FGF14: variants seen among roughly 807,000 people sequenced by gnomAD.
The protein encoded by FGF14 is fibroblast growth factor 14, also known as fibroblast growth factor homologous factor 4.
Under a neutral mutation model 25.5 loss-of-function variants are expected in FGF14, and 5 were observed. The observed-to-expected ratio is 0.20, with a 90% confidence interval of 0.10 to 0.41. The LOEUF (loss-of-function observed/expected upper bound fraction) is 0.41, where lower values mean the gene tolerates loss of function less well. Ranked by LOEUF, FGF14 falls within the 10% of genes least tolerant of loss-of-function variation. The probability of loss-of-function intolerance (pLI) is 1.00; values close to 1 mark genes in which losing one functional copy is unlikely to be tolerated. For missense variants in FGF14, 222 were observed against 320.1 expected (o/e 0.69, Z 2.34); for synonymous variants, 138 against 118.3 (o/e 1.17, Z -1.08).
intron 3 of FGF14, among the ~76,000 whole-genome samples, chr13:101,767,749 A>C (rs927260872): frequency 7.2e-5 from 11 of 152,156 alleles, no homozygotes; most frequent in African/African-American, 2.7e-4. Flanking sequence ...ACAATAGTAG[A>C]ATCATTATCT....
upstream of FGF14, chr13:102,402,077 G>GA (rs2058713038): frequency 6.9e-6 from 1 of 144,270 alleles, no homozygotes; most frequent in East Asian, 2.0e-4. Flanking sequence ...AAGAAAGAAA[G>GA]AAAAAAGAAA....
intron 1 of FGF14, chr13:102,393,870 A>G (rs1190085001): frequency 6.6e-6 from 1 of 152,178 alleles, no homozygotes; most frequent in African/African-American, 2.4e-5. Context: ...GCTAAGGTCA[A>G]CCTCTTATCT....
intron 3 of FGF14, among the ~76,000 whole-genome samples, chr13:101,782,174 C>T (rs1356123357): frequency 6.6e-6 from 1 of 152,152 alleles, no homozygotes; most frequent in African/African-American, 2.4e-5. Flanking sequence ...CCAACTGGCT[C>T]CTTGTCCTAA....
At chr13:102,333,455 T>C (rs1029498546) in intron 1 of FGF14, among the ~76,000 whole-genome samples, 5 of 152,302 alleles carry the variant, frequency 3.3e-5, no homozygotes, top group African/African-American at 9.6e-5. Context: ...GCTTATGTCA[T>C]TGGTTCTAAA....
chr13:101,778,484 C>T (rs1354614650), intron 3 of FGF14, among the ~76,000 whole-genome samples: 1 of 152,188 alleles, frequency 6.6e-6, no homozygotes, highest in Non-Finnish European at 1.5e-5. Flanking sequence ...CAGGCAGCCT[C>T]TTCCTGGCAG....
chr13:101,797,765 G>GTA (rs2040623735), intron 3 of FGF14, among the ~76,000 whole-genome samples: 1 of 150,844 alleles, frequency 6.6e-6, no homozygotes, highest in African/African-American at 2.5e-5. Flanking sequence ...GTGTGTGTGT[G>GTA]TGTGTGTGTG....
intron 1 of FGF14, among the ~76,000 whole-genome samples, chr13:101,980,357 G>C (rs1350730647): frequency 1.3e-5 from 2 of 150,806 alleles, no homozygotes; most frequent in African/African-American, 4.9e-5. Flanking sequence ...AAAAAAAAAC[G>C]GGGCTAGAAA....
At chr13:102,016,502 A>G (rs2038842740) in intron 1 of FGF14, among the ~76,000 whole-genome samples, 1 of 152,180 alleles carries the variant, frequency 6.6e-6, no homozygotes, top group South Asian at 2.1e-4. Context: ...ACCTAGACCT[A>G]AACATAATGT....
intron 3 of FGF14, among the ~76,000 whole-genome samples, chr13:101,845,976 A>G (rs1201573206): frequency 2.6e-5 from 4 of 151,990 alleles, no homozygotes; most frequent in African/African-American, 9.7e-5. Flanking sequence ...GCAACTATAT[A>G]TTTCCAATAT....
intron 1 of FGF14, among the ~76,000 whole-genome samples, chr13:102,286,894 G>A (rs374675872): frequency 2.6e-5 from 4 of 151,670 alleles, no homozygotes; most frequent in African/African-American, 4.8e-5. Context: ...CAAGCCTAGT[G>A]AGAATACATT....
intron 1 of FGF14, among the ~76,000 whole-genome samples, chr13:102,022,772 C>G (rs1207498850): frequency 6.6e-6 from 1 of 152,020 alleles, no homozygotes; most frequent in Admixed American, 6.6e-5. Context: ...AAGAGAATAT[C>G]TTTGTATAAA....
At chr13:102,156,370 A>T (rs1426283325) in intron 1 of FGF14, among the ~76,000 whole-genome samples, 1 of 152,226 alleles carries the variant, frequency 6.6e-6, no homozygotes, top group Non-Finnish European at 1.5e-5. Context: ...AAAAATCAAT[A>T]AATGTAATCC....
At chr13:102,048,784 G>A (rs1173710428) in intron 1 of FGF14, among the ~76,000 whole-genome samples, 1 of 152,124 alleles carries the variant, frequency 6.6e-6, no homozygotes, top group African/African-American at 2.4e-5. Flanking sequence ...TTCCAGAACC[G>A]AGGCTGTCTT....
chr13:101,917,848 T>G (rs1461903471), upstream of FGF14, among the ~76,000 whole-genome samples: 1 of 151,912 alleles, frequency 6.6e-6, no homozygotes, highest in African/African-American at 2.4e-5. Context: ...GAGGAGGAGA[T>G]GACAGCCGCA....
At chr13:101,815,418 C>A (rs1029967759) in intron 3 of FGF14, among the ~76,000 whole-genome samples, 3 of 152,144 alleles carry the variant, frequency 2.0e-5, no homozygotes, top group African/African-American at 7.2e-5. Flanking sequence ...ATCACAGAGA[C>A]CCTCCAACAG....
intron 1 of FGF14, among the ~76,000 whole-genome samples, chr13:102,240,871 A>T (rs942901949): frequency 6.6e-5 from 10 of 152,300 alleles, no homozygotes; most frequent in African/African-American, 2.4e-4. Flanking sequence ...ATTTAAAAAA[A>T]TTATCAAAAT....
At chr13:102,029,642 T>C (rs2041111591) in intron 1 of FGF14, among the ~76,000 whole-genome samples, 1 of 152,084 alleles carries the variant, frequency 6.6e-6, no homozygotes, top group Non-Finnish European at 1.5e-5. Flanking sequence ...ACAGAAAAAT[T>C]TGACTTTGAG....
At chr13:101,919,692 C>A (rs889740006), upstream of FGF14, among the ~76,000 whole-genome samples, 1 of 152,054 alleles carries the variant, frequency 6.6e-6, no homozygotes, top group Admixed American at 6.6e-5. Flanking sequence ...TGGAGAAAAG[C>A]GCTGGCTGTG....
chr13:102,103,582 C>A (rs1225986885), intron 1 of FGF14, among the ~76,000 whole-genome samples: 1 of 151,936 alleles, frequency 6.6e-6, no homozygotes, highest in Non-Finnish European at 1.5e-5. Flanking sequence ...ACAGGAATAA[C>A]CAGCAAAAAT....
Sources: gnomAD v4.1 joint callset for allele counts (sites outside exome capture counted in the v4.1 genomes callset) on GRCh38, gnomAD v4.1.1 for gene constraint, MANE v1.5 for transcripts, NCBI Gene and HGNC (gene_info 2026-07-23, HGNC 2026-07-21) for gene names.